STAG1: variants seen among roughly 807,000 people sequenced by gnomAD.
The protein encoded by STAG1 is STAG1 cohesin complex component.
STAG1 carries 26 observed loss-of-function variants against 170.9 expected under a neutral mutation model. That is an observed-to-expected ratio of 0.15 (90% confidence interval 0.11 to 0.21). The LOEUF (loss-of-function observed/expected upper bound fraction) is 0.21, where lower values mean the gene tolerates loss of function less well. Ranked by LOEUF, STAG1 falls within the 10% of genes least tolerant of loss-of-function variation. STAG1 has a pLI of 1.00. For missense variants in STAG1, 964 were observed against 1,509.5 expected, an observed-to-expected ratio of 0.64 and a Z score of 5.99; for synonymous variants, 514 against 497.7, an observed-to-expected ratio of 1.03 and a Z score of -0.44.
intron 1 of STAG1, among the ~76,000 whole-genome samples, chr3:136,739,574 CT>C: frequency 6.7e-6 from 1 of 149,148 alleles, no homozygotes; most frequent in East Asian, 2.0e-4. Context: ...AATCCCAGCA[CT>C]TTTGGGAGGT....
chr3:136,526,106 T>A (rs1014576214), intron 6 of STAG1, among the ~76,000 whole-genome samples: 2 of 152,216 alleles, frequency 1.3e-5, no homozygotes, highest in Non-Finnish European at 2.9e-5. Flanking sequence ...TAGATGTCTA[T>A]TAATTCTGCT....
rs140207802 is a variant in STAG1, at chr3:136,629,815, T to C, written c.29+1055A>G. 1.2e-3 allele frequency among the ~76,000 whole-genome samples: 188 copies of C among 152,326 alleles called. 1 individual carries two copies. Among genetic ancestry groups the C allele is most frequent in the African/African-American group, 4.2e-3 (173 of 41,574 alleles). ...ACCATTGTTATACAGAATCAAAGTA[T>C]GCAGATTCCCGACTTGCATCATGAT... On this transcript the variant is annotated intron_variant, in intron 2 of 33. Transcript: ENST00000383202.
intron 15 of STAG1, 68 bp downstream of exon 15, chr3:136,443,219 T>C (rs2088683076): frequency 9.7e-7 from 1 of 1,032,454 alleles, no homozygotes; most frequent in East Asian, 2.5e-5. Flanking sequence ...AGAAGCGATC[T>C]ATATACAACT....
chr3:136,711,112 G>C (rs1305463434), intron 1 of STAG1, among the ~76,000 whole-genome samples: 2 of 151,310 alleles, frequency 1.3e-5, no homozygotes, highest in Non-Finnish European at 1.5e-5. Context: ...AAGTATCTAA[G>C]AATAAATCTA....
At chr3:136,718,624 T>A (rs1933012438) in intron 1 of STAG1, among the ~76,000 whole-genome samples, 1 of 152,212 alleles carries the variant, frequency 6.6e-6, no homozygotes, top group South Asian at 2.1e-4. Context: ...TTATCTTAAA[T>A]ATTCAGATAA....
chr3:136,367,534 A>C (rs937388811), intron 24 of STAG1, among the ~76,000 whole-genome samples: 1 of 152,156 alleles, frequency 6.6e-6, no homozygotes, highest in Non-Finnish European at 1.5e-5. Context: ...TTGTGTCATA[A>C]CAATACTGTG....
chr3:136,484,130 G>A (rs1253868588), intron 9 of STAG1, among the ~76,000 whole-genome samples: 15 of 144,946 alleles, frequency 1.0e-4, no homozygotes, highest in African/African-American at 2.6e-4. Context: ...GAGGAACTGC[G>A]TTCTTTTGGA....
At chr3:136,473,939 C>A (rs570135723) in intron 10 of STAG1, among the ~76,000 whole-genome samples, 1 of 152,050 alleles carries the variant, frequency 6.6e-6, no homozygotes, top group South Asian at 2.1e-4. Flanking sequence ...GAATTTTAAA[C>A]CTATAATTAG....
chr3:136,676,517 C>T (rs940747935), intron 1 of STAG1, among the ~76,000 whole-genome samples: 1 of 152,148 alleles, frequency 6.6e-6, no homozygotes, highest in African/African-American at 2.4e-5. Flanking sequence ...TCAATCATAG[C>T]TCACTGTAGC....
At chr3:136,708,263 TG>T (rs1396147935) in intron 1 of STAG1, among the ~76,000 whole-genome samples, 3 of 152,168 alleles carry the variant, frequency 2.0e-5, no homozygotes, top group African/African-American at 7.2e-5. Flanking sequence ...GAAATAAATG[TG>T]GTATATACAT....
chr3:136,552,365 T>C (rs1296493519), intron 5 of STAG1, among the ~76,000 whole-genome samples: 5 of 152,206 alleles, frequency 3.3e-5, no homozygotes, highest in Non-Finnish European at 7.3e-5. Flanking sequence ...ACTTTACATT[T>C]ATATATACAA....
intron 7 of STAG1, among the ~76,000 whole-genome samples, chr3:136,506,127 T>A: frequency 6.6e-6 from 1 of 152,162 alleles, no homozygotes; most frequent in South Asian, 2.1e-4. Context: ...TGAATTAGAT[T>A]TTAAACTGAT....
intron 23 of STAG1, among the ~76,000 whole-genome samples, chr3:136,376,315 C>T (rs1214236551): frequency 2.6e-5 from 4 of 152,110 alleles, no homozygotes; most frequent in Admixed American, 6.5e-5. Context: ...CTCCCCAATA[C>T]AACAGTCTAT....
At chr3:136,349,399 G>C in intron 28 of STAG1, 36 bp from the exon 29 acceptor site, 3 of 1,526,804 alleles carry the variant, frequency 2.0e-6, no homozygotes, top group Non-Finnish European at 2.7e-6. Flanking sequence ...GATTTTCAGA[G>C]AAGCAGTTCA....
intron 6 of STAG1, among the ~76,000 whole-genome samples, chr3:136,528,503 C>A (rs922845378): frequency 9.6e-5 from 12 of 125,278 alleles, no homozygotes; most frequent in African/African-American, 6.3e-4. Flanking sequence ...CACCCCCCCC[C>A]CCAAAAAATC....
intron 1 of STAG1, among the ~76,000 whole-genome samples, chr3:136,694,175 C>A (rs890099668): frequency 6.6e-6 from 1 of 152,120 alleles, no homozygotes; most frequent in Non-Finnish European, 1.5e-5. Flanking sequence ...TTGAGGATAA[C>A]CCTATGTAAA....
At chr3:136,381,778 AT>A (rs1291207740) in intron 22 of STAG1, among the ~76,000 whole-genome samples, 2 of 152,192 alleles carry the variant, frequency 1.3e-5, no homozygotes, top group African/African-American at 4.8e-5. Flanking sequence ...TAGCTATATG[AT>A]CTCAGAAAAA....
At chr3:136,581,653 A>C (rs1422570129) in intron 4 of STAG1, among the ~76,000 whole-genome samples, 1 of 152,190 alleles carries the variant, frequency 6.6e-6, no homozygotes, top group Non-Finnish European at 1.5e-5. Context: ...TTTTGGACCC[A>C]GCAGCCCTAG....
Position 136,498,210 on chromosome 3 carries a change from TTA to T in STAG1, c.902+2011_902+2012del, listed in dbSNP as rs374645920. Among the ~76,000 whole-genome samples, 76 of 50,836 alleles carry T rather than the reference TTA, an allele frequency of 1.5e-3. 4 individuals are homozygous for T. In the East Asian group the frequency reaches 0.027, roughly 18 times the overall value. The allele number at this position is 50,836 out of a possible 152,430, so 33.4% of individuals were successfully genotyped here. A position where few individuals can be genotyped will look rare whatever the true frequency, so the allele number is the denominator to read the frequency against. ...TCCATCTTAAAAAAAAAAAAAAAAA[TTA>T]TATATATATATATATATATATACAC... On this transcript the variant is annotated intron_variant, in intron 9 of 33. Transcript: ENST00000383202.
Sources: allele counts gnomAD v4.1 joint callset (sites outside exome capture counted in the v4.1 genomes callset), GRCh38; gene constraint gnomAD v4.1.1; transcripts MANE v1.5; gene names NCBI Gene and HGNC (gene_info 2026-07-23, HGNC 2026-07-21).